Variants in PTPRD observed in about 807,000 individuals in gnomAD.
The protein encoded by PTPRD is protein tyrosine phosphatase receptor type D, also known as receptor-type tyrosine-protein phosphatase delta.
Under a neutral mutation model 214.5 loss-of-function variants are expected in PTPRD, and 34 were observed. The ratio of observed to expected loss-of-function variants is 0.16; its 90% CI spans 0.12 to 0.21. The LOEUF is 0.21. PTPRD is among the 10% of genes least tolerant of loss of function. The pLI is 1.00. For missense variants in PTPRD, 2,545 were observed against 2,398.7 expected (o/e 1.06, Z -1.27); for synonymous variants, 1,128 against 845.7 (o/e 1.33, Z -5.79).
At chr9:8,766,738 TTG>T (rs910238508) in intron 11 of PTPRD, among the ~76,000 whole-genome samples, 2 of 152,320 alleles carry the variant, frequency 1.3e-5, no homozygotes, top group South Asian at 2.1e-4. Flanking sequence ...GGGTAAATAA[TTG>T]TCTTACTTGT....
chr9:10,017,330 G>T (rs1162135718), intron 4 of PTPRD, among the ~76,000 whole-genome samples: 2 of 151,162 alleles, frequency 1.3e-5, no homozygotes, highest in African/African-American at 4.9e-5. Flanking sequence ...CTTTTTGTAG[G>T]TTTTACTGTT....
intron 44 of PTPRD, among the ~76,000 whole-genome samples, chr9:8,330,600 TGCTTCTTATAACATGCCTGAGAAAC>T (rs1839354719): frequency 6.6e-6 from 1 of 152,180 alleles, no homozygotes; most frequent in Non-Finnish European, 1.5e-5. Flanking sequence ...GATAAAGGTT[TGCTTCTTATAACATGCCTGAGAAAC>T]AAAGGATGCT....
chr9:8,782,932 T>C (rs533030705), intron 11 of PTPRD, among the ~76,000 whole-genome samples: 1 of 152,214 alleles, frequency 6.6e-6, no homozygotes, highest in South Asian at 2.1e-4. Context: ...ATAGTCTACG[T>C]AGCCAGAAAA....
At chr9:9,674,896 A>G (rs1236816989) in intron 7 of PTPRD, among the ~76,000 whole-genome samples, 1 of 151,876 alleles carries the variant, frequency 6.6e-6, no homozygotes, top group Non-Finnish European at 1.5e-5. Context: ...AAATATGAAC[A>G]TGACTCCCTC....
chr9:10,421,813 T>C (rs1305635737), intron 2 of PTPRD, among the ~76,000 whole-genome samples: 2 of 151,810 alleles, frequency 1.3e-5, no homozygotes, highest in Non-Finnish European at 2.9e-5. Flanking sequence ...TTAGTTAATA[T>C]ATTTCTATTT....
rs577934118 is a variant in PTPRD at position 10,493,023 on chromosome 9, T to C, written c.-600+119375A>G. ...ATTGCTACAAATAGAATACAATACC[T>C]AGGAATACAACTTACAAGAGATGTG... is the stretch of plus-strand genomic sequence containing the variant. On this transcript the variant is annotated intron_variant, in intron 2 of 45. Coordinates refer to ENST00000381196, the MANE Select transcript of PTPRD (RefSeq NM_002839.4). 3.3e-5 allele frequency among the ~76,000 whole-genome samples: 5 copies of C among 152,142 alleles called. No homozygotes were observed. The East Asian group carries it at 9.7e-4, about 29-fold the overall frequency.
chr9:8,458,983 C>G lies in PTPRD; in HGVS notation c.3875+1428G>C, dbSNP rs180941307. ...TGGTTATGAACTTCTTTCATTTGTC[C>G]TTTATTTTCTCAACCCTCTCTTAAT... On this transcript the variant is annotated intron_variant, in intron 33 of 45. Transcript: ENST00000381196. Among the ~76,000 whole-genome samples, 13 of 152,110 alleles carry G rather than the reference C, an allele frequency of 8.5e-5. 1 individual carries two copies. The highest frequency in any genetic ancestry group is 2.6e-4 in the Admixed American group (4 of 15,268).
chr9:9,262,779 T>C (rs1404458450), intron 9 of PTPRD, among the ~76,000 whole-genome samples: 1 of 151,684 alleles, frequency 6.6e-6, no homozygotes, highest in African/African-American at 2.4e-5. Flanking sequence ...CATATATGAA[T>C]ACATAAAACA....
chr9:10,377,354 A>G (rs1405791678), intron 2 of PTPRD, among the ~76,000 whole-genome samples: 1 of 151,824 alleles, frequency 6.6e-6, no homozygotes, highest in Admixed American at 6.6e-5. Context: ...GTTTTGTTAC[A>G]TATGTATACA....
chr9:9,379,308 G>A (rs2061560901), intron 9 of PTPRD, among the ~76,000 whole-genome samples: 1 of 150,618 alleles, frequency 6.6e-6, no homozygotes, highest in South Asian at 2.1e-4. Context: ...TTACTCCATT[G>A]TATTGCCTTT....
intron 7 of PTPRD, among the ~76,000 whole-genome samples, chr9:9,673,190 T>A (rs2096863342): frequency 6.6e-6 from 1 of 151,974 alleles, no homozygotes; most frequent in Non-Finnish European, 1.5e-5. Flanking sequence ...TTTAAGAATT[T>A]TTAAAACTCC....
chr9:10,250,966 C>G (rs771277929), intron 3 of PTPRD, among the ~76,000 whole-genome samples: 3 of 151,900 alleles, frequency 2.0e-5, no homozygotes, highest in Non-Finnish European at 4.4e-5. Flanking sequence ...AAATTCAGTG[C>G]TACAAAAGTT....
At chr9:10,441,944 A>C (rs375567365) in intron 2 of PTPRD, among the ~76,000 whole-genome samples, 1 of 151,660 alleles carries the variant, frequency 6.6e-6, no homozygotes, top group East Asian at 1.9e-4. Context: ...CTGTCACAAG[A>C]CACATCATGT....
At chr9:8,385,891 G>A (rs2086838979) in intron 37 of PTPRD, among the ~76,000 whole-genome samples, 1 of 152,132 alleles carries the variant, frequency 6.6e-6, no homozygotes. Flanking sequence ...ACTGGGAAAC[G>A]TGGGCATAAT....
intron 14 of PTPRD, among the ~76,000 whole-genome samples, chr9:8,620,196 A>T (rs540586858): frequency 6.6e-6 from 1 of 152,108 alleles, no homozygotes; most frequent in African/African-American, 2.4e-5. Context: ...TGCTTTTCTA[A>T]TTGCCAATAA....
chr9:10,460,110 A>C (rs1461099869), intron 2 of PTPRD, among the ~76,000 whole-genome samples: 1 of 152,104 alleles, frequency 6.6e-6, no homozygotes, highest in Admixed American at 6.6e-5. Flanking sequence ...ACCTAGACCA[A>C]AAATAAATCA....
chr9:9,054,823 C>G (rs2099693283), intron 10 of PTPRD, among the ~76,000 whole-genome samples: 2 of 152,044 alleles, frequency 1.3e-5, no homozygotes, highest in Non-Finnish European at 2.9e-5. Context: ...GGAGAGAAAA[C>G]AAATGATTTC....
intron 12 of PTPRD, among the ~76,000 whole-genome samples, chr9:8,652,256 T>A (rs1438882573): frequency 6.6e-6 from 1 of 152,200 alleles, no homozygotes; most frequent in Non-Finnish European, 1.5e-5. Context: ...GGTGGTGGAT[T>A]TTTCTTTTTC....
chr9:10,097,073 C>T (rs997005764), intron 3 of PTPRD, among the ~76,000 whole-genome samples: 3 of 151,166 alleles, frequency 2.0e-5, no homozygotes, highest in African/African-American at 7.3e-5. Flanking sequence ...TTTCTGAGGG[C>T]TCTGTTCTGT....
Sources: gnomAD v4.1 joint callset for allele counts (sites outside exome capture counted in the v4.1 genomes callset) on GRCh38, gnomAD v4.1.1 for gene constraint, MANE v1.5 for transcripts, NCBI Gene and HGNC (gene_info 2026-07-23, HGNC 2026-07-21) for gene names.